The following NAF1 variants were observed in gnomAD, a reference collection of about 807,000 sequenced individuals.
NAF1 encodes the protein H/ACA ribonucleoprotein complex non-core subunit NAF1.
In NAF1, 11 loss-of-function variants were observed where a neutral mutation model predicts 40.6. The observed-to-expected ratio is 0.27, with a 90% CI of 0.17 to 0.45. NAF1 has a LOEUF of 0.45. NAF1 is among the 20% of genes least tolerant of loss of function. NAF1 has a pLI of 1.00. For missense variants in NAF1, 607 were observed against 611.1 expected, an observed-to-expected ratio of 0.99 and a Z score of 0.07; for synonymous variants, 260 against 228.5, an observed-to-expected ratio of 1.14 and a Z score of -1.24.
intron 2 of NAF1, among the ~76,000 whole-genome samples, chr4:163,118,361 A>G (rs1309959597): frequency 6.6e-6 from 1 of 152,252 alleles, no homozygotes; most frequent in Non-Finnish European, 1.5e-5. Context: ...TTAAGCAATC[A>G]ATTACAATAA....
In NAF1 at chr4:163,133,195, A is replaced by G. The variant is rs1730934801; in HGVS notation, c.992T>C (p.Ile331Thr). ...AGATTTGAGTTTTTTCCGGCCTTGA[A>G]TCTGAGATTTTTTCCTCTGTTTGGC... ...KEAKQRKKSQ[I>T]QGRKKLKSEF... The change falls in exon 7 of 8, where the codon ATT (isoleucine) becomes ACT (threonine). Residue 331 changes from isoleucine (I) to threonine (T), a missense_variant. Physicochemically the swap from Ile to Thr is moderately conservative, Grantham distance 89. This residue lies in a region of NAF1 where 189 missense variants were observed against 216.6 expected (regional missense o/e 0.87). Coordinates refer to ENST00000274054, the MANE Select transcript of NAF1 (RefSeq NM_138386.3). 1 of 1,613,850 alleles carries G rather than the reference A, an allele frequency of 6.2e-7. No individual in the cohort carries two copies. Among genetic ancestry groups the G allele is most frequent in the Admixed American group, 1.7e-5 (1 of 60,016 alleles).
chr4:163,120,025 A>C (rs569978962), intron 2 of NAF1: 2 of 152,368 alleles, frequency 1.3e-5, no homozygotes, highest in African/African-American at 4.8e-5. Flanking sequence ...ATTTGCTTTG[A>C]ATAAATCAAC....
downstream of NAF1, among the ~76,000 whole-genome samples, chr4:163,124,582 G>A (rs1229662389): frequency 6.6e-6 from 1 of 152,054 alleles, no homozygotes. Flanking sequence ...TTCAGTACAG[G>A]TGCAACCACA....
chr4:163,135,738 G>C (rs1039733517), intron 6 of NAF1: 1 of 152,208 alleles, frequency 6.6e-6, no homozygotes, highest in African/African-American at 2.4e-5. Flanking sequence ...GCGGTGAGCT[G>C]AGACCGTGCC....
chr4:163,112,854 T>C (rs1467535337), intron 2 of NAF1, among the ~76,000 whole-genome samples: 2 of 152,194 alleles, frequency 1.3e-5, no homozygotes, highest in Admixed American at 6.5e-5. Flanking sequence ...AGGAGAGTTA[T>C]GAAATTGTCA....
At chr4:163,134,572 T>C (rs1242783207) in intron 6 of NAF1, among the ~76,000 whole-genome samples, 1 of 152,206 alleles carries the variant, frequency 6.6e-6, no homozygotes, top group East Asian at 1.9e-4. Context: ...AGATTAAATG[T>C]ACAATGAACA....
chr4:163,115,226 T>TTTA (rs1730295690), intron 2 of NAF1, among the ~76,000 whole-genome samples: 3 of 143,046 alleles, frequency 2.1e-5, no homozygotes, highest in African/African-American at 2.6e-5. Context: ...TTTTTTTTTT[T>TTTA]GAGACAGAGT....
At chr4:163,113,236 G>A (rs1006137273) in intron 2 of NAF1, among the ~76,000 whole-genome samples, 3 of 152,056 alleles carry the variant, frequency 2.0e-5, no homozygotes, top group Admixed American at 6.6e-5. Context: ...ATCACAAAGC[G>A]ATCCCCCTTG....
chr4:163,104,850 C>T, the NAF1 span, among the ~76,000 whole-genome samples: 1 of 152,172 alleles, frequency 6.6e-6, no homozygotes, highest in Non-Finnish European at 1.5e-5. Flanking sequence ...ACTAGGAAAG[C>T]TATTATTTGT....
chr4:163,161,018 CAAAAAA>C (rs796248441), intron 2 of NAF1, among the ~76,000 whole-genome samples: 12 of 59,702 alleles, frequency 2.0e-4, no homozygotes, highest in African/African-American at 6.4e-4. Flanking sequence ...TGTCATTTTC[CAAAAAA>C]AAAAAAAAAA....
At chr4:163,127,059 C>T, downstream of NAF1, 12 of 1,551,632 alleles carry the variant, frequency 7.7e-6, no homozygotes, top group Non-Finnish European at 1.0e-5. Context: ...TTGTGTGACT[C>T]ACTTGACTGC....
In NAF1 at chr4:163,166,706, C is replaced by T. The variant is rs778695884; in HGVS notation, c.22G>A (p.Ala8Thr). The change falls in exon 1 of 8, where the codon GCC becomes ACC. Residue 8 changes from alanine (A) to threonine (T), a missense_variant. By Grantham distance (58) the Ala-to-Thr change is moderately conservative. This residue lies in a region of NAF1 where 407 missense variants were observed against 365.5 expected (regional missense o/e 1.11). Transcript: ENST00000274054. Reference sequence around the variant, plus strand: ...AATTTCAGAGTTTCCAGCTGAGCGGCGGCGGCCTCCACTACCTCCATCGCA... The same window carrying T: ...AATTTCAGAGTTTCCAGCTGAGCGGTGGCGGCCTCCACTACCTCCATCGCA... MEVVEAAAAQLETLKFNG... is the reference protein window; with the variant it reads MEVVEAATAQLETLKFNG... 6.1e-5 allele frequency: 99 copies of T among 1,613,034 alleles called. No homozygotes were observed. Among genetic ancestry groups the T allele is most frequent in the Non-Finnish European group, 9.3e-6 (11 of 1,179,950 alleles).
Position 163,140,206 on chromosome 4 carries a change from GC to G in NAF1, c.878+16del. The G allele has an allele frequency of 6.4e-7, 1 of 1,558,758 alleles. No individual in the cohort carries two copies. The highest frequency in any genetic ancestry group is 8.6e-7 in the Non-Finnish European group (1 of 1,157,992). ...ACGTTAGGTAAGTGAAGAACAACAT[GC>G]CGGTAAAGTACTTACTGTTTTAGTT... On this transcript the variant is annotated intron_variant, in intron 5 of 7. Transcript: ENST00000274054.
chr4:163,125,433 A>T (rs1016284571), downstream of NAF1, among the ~76,000 whole-genome samples: 1 of 152,254 alleles, frequency 6.6e-6, no homozygotes. Context: ...GCTTTACAGC[A>T]GATATGGAGT....
At chr4:163,163,915 A>G (rs1732333974) in intron 2 of NAF1, among the ~76,000 whole-genome samples, 1 of 152,216 alleles carries the variant, frequency 6.6e-6, no homozygotes, top group Admixed American at 6.5e-5. Flanking sequence ...CCAAAAAAAA[A>G]AGCAAATCTA....
chr4:163,131,628 C>T (rs1242240145), intron 7 of NAF1, among the ~76,000 whole-genome samples: 4 of 152,118 alleles, frequency 2.6e-5, no homozygotes, highest in South Asian at 4.1e-4. Context: ...CAGAAGACTA[C>T]AAAACTTTTA....
chr4:163,166,184 TGA>T (rs1210487407), intron 1 of NAF1, among the ~76,000 whole-genome samples, 177 bp downstream of exon 1: 1 of 152,156 alleles, frequency 6.6e-6, no homozygotes, highest in Non-Finnish European at 1.5e-5. Flanking sequence ...CGACCTGCTT[TGA>T]GAGGCAGCGA....
chr4:163,127,099 G>A (rs1730681668), downstream of NAF1: 2 of 1,551,360 alleles, frequency 1.3e-6, no homozygotes, highest in Non-Finnish European at 1.7e-6. Flanking sequence ...CACAATATCT[G>A]TGAGATATAC....
downstream of NAF1, among the ~76,000 whole-genome samples, chr4:163,123,553 T>C (rs1730573450): frequency 6.6e-6 from 1 of 152,152 alleles, no homozygotes; most frequent in Non-Finnish European, 1.5e-5. Flanking sequence ...GGCTAATTTT[T>C]GTATTTTTTG....
Sources: allele counts gnomAD v4.1 joint callset (sites outside exome capture counted in the v4.1 genomes callset), GRCh38; gene constraint gnomAD v4.1.1; regional missense constraint gnomAD v4.1.1; transcripts MANE v1.5; gene names NCBI Gene and HGNC (gene_info 2026-07-23, HGNC 2026-07-21).